Variants in GRM7 observed in about 807,000 individuals in gnomAD.
GRM7 encodes the protein metabotropic glutamate receptor 7.
A neutral mutation model predicts 84.5 loss-of-function variants in GRM7; 35 were observed. That is an observed-to-expected ratio of 0.41 (90% CI 0.32 to 0.55). GRM7 has a LOEUF of 0.55. Ranked by LOEUF, GRM7 falls within the 20% of genes least tolerant of loss-of-function variation. GRM7 has a pLI of 0.19. For synonymous variants in GRM7, 487 were observed against 455.1 expected (o/e 1.07, Z -0.89); for missense variants, 1,003 against 1,194.6 (o/e 0.84, Z 2.36).
chr3:7,306,607 G>A lies in GRM7; in HGVS notation c.988G>A (p.Ala330Thr), dbSNP rs776521911. ...INPLHQHEDIAEGAITIQPKR... is the reference protein window; with the variant it reads ...INPLHQHEDITEGAITIQPKR... ...CCCACTGCACCAGCATGAAGATATC[G>A]CAGAAGGGGCCATCACCATTCAGCC... Residue 330 changes from alanine (A) to threonine (T), a missense_variant, in exon 4 of 10, where the codon GCA (alanine) becomes ACA (threonine). Around this residue, in one of 2 missense-constraint regions of GRM7, gnomAD observed 910 missense variants for 1,126.0 expected, o/e 0.81. Transcript: ENST00000357716. 2.5e-5 allele frequency: 41 copies of A among 1,612,768 alleles called. No homozygotes were observed. The highest frequency in any genetic ancestry group is 3.1e-5 in the Non-Finnish European group (37 of 1,179,386).
At chr3:7,269,841 G>A (rs1455768666) in intron 2 of GRM7, among the ~76,000 whole-genome samples, 1 of 152,114 alleles carries the variant, frequency 6.6e-6, no homozygotes, top group Non-Finnish European at 1.5e-5. Flanking sequence ...GGCTTCTGCA[G>A]CTCCCCCTTT....
chr3:7,489,497 A>G (rs1699444986), intron 7 of GRM7, among the ~76,000 whole-genome samples: 2 of 152,272 alleles, frequency 1.3e-5, no homozygotes, highest in South Asian at 4.1e-4. Context: ...CCATTTCAAA[A>G]CACTGGTTCT....
intron 4 of GRM7, among the ~76,000 whole-genome samples, chr3:7,391,562 G>A (rs1478861759): frequency 1.3e-5 from 2 of 152,110 alleles, no homozygotes; most frequent in African/African-American, 2.4e-5. Context: ...CCTGTCGTGG[G>A]GCGGGGGAAG....
chr3:7,453,287 C>G (rs1040101015), intron 6 of GRM7, among the ~76,000 whole-genome samples: 36 of 152,060 alleles, frequency 2.4e-4, no homozygotes, highest in African/African-American at 7.5e-4. Flanking sequence ...CTGTCCTCTA[C>G]TTCAATTCCT....
In GRM7 at chr3:7,309,325, A is replaced by G. The variant is rs544814222; in HGVS notation, c.1033+2673A>G. On this transcript the variant is annotated intron_variant, in intron 4 of 9. Transcript: ENST00000357716. ...GAAATAATCTAAGATAAAACTATAA[A>G]TGGAGCAGAGCCTATGTGGGCAAGT... Among the ~76,000 whole-genome samples the G allele has an allele frequency of 4.6e-5, 7 of 152,332 alleles. No homozygotes were observed. The South Asian group carries it at 1.4e-3, about 32-fold the overall frequency.
At chr3:7,180,421 G>C (rs1695296725) in intron 2 of GRM7, among the ~76,000 whole-genome samples, 1 of 152,148 alleles carries the variant, frequency 6.6e-6, no homozygotes. Flanking sequence ...GCAATCTGTG[G>C]ACCCGCAGTA....
chr3:7,058,217 T>C (rs148081282), intron 1 of GRM7, among the ~76,000 whole-genome samples: 2 of 152,052 alleles, frequency 1.3e-5, no homozygotes, highest in Middle Eastern at 3.4e-3. Flanking sequence ...TAAAGTTCTA[T>C]AAAATAACCA....
intron 1 of GRM7, among the ~76,000 whole-genome samples, chr3:7,089,885 C>A (rs112846383): frequency 0.17 from 26,154 of 152,024 alleles, 2,314 homozygotes; most frequent in South Asian, 0.2. Flanking sequence ...CTCTGTCACC[C>A]AGGTTGGAGT....
intron 7 of GRM7, among the ~76,000 whole-genome samples, chr3:7,479,834 A>C (rs1699062758): frequency 6.6e-6 from 1 of 152,158 alleles, no homozygotes; most frequent in African/African-American, 2.4e-5. Context: ...ACTGCTATGC[A>C]TGCTGACTCT....
chr3:7,100,842 G>C (rs546682225), intron 1 of GRM7, among the ~76,000 whole-genome samples: 1 of 151,696 alleles, frequency 6.6e-6, no homozygotes, highest in South Asian at 2.1e-4. Context: ...TGATAGATTT[G>C]GTTTGCCTAG....
At position 7,138,294 on chromosome 3, in the gene GRM7, A is replaced by G. The variant is rs1294906812; in HGVS notation, c.520-8158A>G. 2.0e-5 allele frequency among the ~76,000 whole-genome samples: 3 copies of G among 152,036 alleles called. No homozygotes were observed. The East Asian group carries it at 5.8e-4, about 29-fold the overall frequency. ...ATAAACTGTAGGTGACAATATGCCC[A>G]ATCAACAAGACGTTAGACCCTTTTT... On this transcript the variant is annotated intron_variant, in intron 1 of 9. Coordinates refer to ENST00000357716, the MANE Select transcript of GRM7 (RefSeq NM_000844.4).
chr3:7,503,597 G>A (rs1424562477), intron 7 of GRM7, among the ~76,000 whole-genome samples: 1 of 151,998 alleles, frequency 6.6e-6, no homozygotes, highest in Admixed American at 6.6e-5. Context: ...AGAGTGGATC[G>A]CCCACTCTGT....
At chr3:7,444,536 A>T (rs41530946) in intron 5 of GRM7, among the ~76,000 whole-genome samples, 3,117 of 152,260 alleles carry the variant, frequency 0.02, 99 homozygotes, top group African/African-American at 0.071. Flanking sequence ...CCTTTACTGA[A>T]CAGATTGGCA....
chr3:7,466,801 A>G lies in GRM7; in HGVS notation c.1515+5079A>G, dbSNP rs539195857. Among the ~76,000 whole-genome samples, 28 of 152,258 alleles carry G rather than the reference A, an allele frequency of 1.8e-4. 1 individual carries two copies. The highest frequency in any genetic ancestry group is 1.0e-3 in the Admixed American group (16 of 15,296). On this transcript the variant is annotated intron_variant, in intron 7 of 9. Coordinates refer to ENST00000357716, the MANE Select transcript of GRM7 (RefSeq NM_000844.4). ...TTCTGCCATTGGTTACGATAGACCA[A>G]CTTTCTGATCTTCTGAGGTATATGG...
intron 7 of GRM7, among the ~76,000 whole-genome samples, chr3:7,504,376 C>G (rs896241079): frequency 6.6e-6 from 1 of 152,186 alleles, no homozygotes; most frequent in Non-Finnish European, 1.5e-5. Context: ...TTAGATAGAT[C>G]TGAGCTCTAA....
At chr3:7,192,815 A>G (rs1695753360) in intron 2 of GRM7, among the ~76,000 whole-genome samples, 1 of 151,950 alleles carries the variant, frequency 6.6e-6, no homozygotes, top group Non-Finnish European at 1.5e-5. Flanking sequence ...CTGAGTGCCT[A>G]TTTTTCACTT....
At chr3:6,994,121 G>A (rs757754063) in intron 1 of GRM7, among the ~76,000 whole-genome samples, 2 of 152,170 alleles carry the variant, frequency 1.3e-5, no homozygotes, top group Admixed American at 6.5e-5. Flanking sequence ...ATTGAAGTAG[G>A]AGAAGAAAGG....
chr3:7,578,353 C>G (rs1425047333), intron 7 of GRM7, 69 bp from the exon 8 acceptor site: 2 of 1,009,782 alleles, frequency 2.0e-6, no homozygotes, highest in Non-Finnish European at 1.5e-6. Flanking sequence ...GTACTGTTTG[C>G]TGCTGGTGTT....
intron 2 of GRM7, among the ~76,000 whole-genome samples, chr3:7,272,010 C>G (rs1024071830): frequency 3.9e-5 from 6 of 152,158 alleles, no homozygotes; most frequent in Admixed American, 1.3e-4. Context: ...AAAGGCCTAT[C>G]AGGAGGCTTC....
Sources: gnomAD v4.1 joint callset for allele counts (sites outside exome capture counted in the v4.1 genomes callset) on GRCh38, gnomAD v4.1.1 for gene constraint, gnomAD v4.1.1 regional missense constraint, MANE v1.5 for transcripts, NCBI Gene and HGNC (gene_info 2026-07-23, HGNC 2026-07-21) for gene names.